Variants in CORO2A observed in about 807,000 individuals in gnomAD.
The protein encoded by CORO2A is coronin 2A.
Under a neutral mutation model 62.4 loss-of-function variants are expected in CORO2A, and 47 were observed. The ratio of observed to expected loss-of-function variants is 0.75; its 90% CI spans 0.60 to 0.96. The LOEUF (loss-of-function observed/expected upper bound fraction) is 0.96. Among genes scored for constraint, CORO2A ranks in the 40% least tolerant of loss-of-function variants. The pLI, the probability that CORO2A is intolerant of heterozygous loss-of-function variation, is 0.00. For synonymous variants in CORO2A, 273 were observed against 268.9 expected (o/e 1.02, Z -0.15); for missense variants, 610 against 684.1 (o/e 0.89, Z 1.21).
At position 98,131,036 on chromosome 9, in the gene CORO2A, C is replaced by T. The variant is rs768281667; in HGVS notation, c.789G>A (p.Met263Ile). ...WDQDNLSVPL[M>I]EEDLDGSSGV... ...CCGAGGAGCCGTCCAGGTCCTCCTC[C>T]ATCAGAGGCACAGAGAGGTTATCCT... Residue 263 changes from methionine (M) to isoleucine (I), a missense_variant, in exon 7 of 12, where the codon ATG becomes ATA. Met to Ile is a conservative substitution (Grantham distance 10, BLOSUM62 1). Transcript: ENST00000375077. 3.7e-6 allele frequency: 6 copies of T among 1,613,236 alleles called. No homozygotes were observed. The East Asian group carries it at 1.1e-4, about 30-fold the overall frequency.
rs1487717965 is a variant in CORO2A, at chr9:98,131,019, C to T, written c.806G>A (p.Gly269Asp). Reference protein sequence around the residue: ...SVPLMEEDLDGSSGVLFPFYD... With the variant: ...SVPLMEEDLDDSSGVLFPFYD... ...GAAGGGAAACAGCACGCCCGAGGAG[C>T]CGTCCAGGTCCTCCTCCATCAGAGG... Residue 269 changes from glycine to aspartate, a missense_variant, in exon 7 of 12, where the codon GGC (glycine) becomes GAC (aspartate). Transcript: ENST00000375077. 2 of 1,613,790 alleles carry T rather than the reference C, an allele frequency of 1.2e-6. No individual in the cohort carries two copies. The highest frequency in any genetic ancestry group is 1.7e-6 in the Non-Finnish European group (2 of 1,179,878).
At chr9:98,136,317 G>A (rs951797226) in intron 3 of CORO2A, among the ~76,000 whole-genome samples, 7 of 152,232 alleles carry the variant, frequency 4.6e-5, no homozygotes, top group Admixed American at 1.3e-4. Context: ...AATCACCTCG[G>A]CAGACACTGT....
intron 1 of CORO2A, among the ~76,000 whole-genome samples, chr9:98,185,883 G>T (rs1828233407): frequency 6.6e-6 from 1 of 152,244 alleles, no homozygotes; most frequent in African/African-American, 2.4e-5. Flanking sequence ...GCAGCCCCAG[G>T]AGTTTGCTGG....
At chr9:98,134,736 A>T (rs1827460235) in intron 4 of CORO2A, 70 bp downstream of exon 4, 1 of 1,479,358 alleles carries the variant, frequency 6.8e-7, no homozygotes, top group East Asian at 2.5e-5. Flanking sequence ...GTGACAGAAT[A>T]CATTTCCATT....
chr9:98,188,643 A>G (rs1828267536), intron 1 of CORO2A, among the ~76,000 whole-genome samples: 1 of 152,144 alleles, frequency 6.6e-6, no homozygotes, highest in Non-Finnish European at 1.5e-5. Context: ...ACGCACCTGT[A>G]ATCCCAGCTA....
intron 3 of CORO2A, 139 bp downstream of exon 3, chr9:98,137,428 CCTTAA>C (rs768714743): frequency 3.1e-5 from 22 of 710,946 alleles, no homozygotes; most frequent in East Asian, 7.5e-5. Context: ...TCCTCCTCTA[CCTTAA>C]CTTAACACCT....
chr9:98,145,245 T>C (rs577654278), intron 2 of CORO2A, among the ~76,000 whole-genome samples: 2 of 152,276 alleles, frequency 1.3e-5, no homozygotes, highest in African/African-American at 4.8e-5. Flanking sequence ...CTTTCAGACC[T>C]TGTGAATTTG....
At chr9:98,169,087 C>A (rs1395684255) in intron 1 of CORO2A, among the ~76,000 whole-genome samples, 1 of 152,192 alleles carries the variant, frequency 6.6e-6, no homozygotes, top group Non-Finnish European at 1.5e-5. Context: ...CAGAGCGCAG[C>A]CATCCAGGGA....
At chr9:98,161,253 G>C (rs1339436283) in intron 1 of CORO2A, among the ~76,000 whole-genome samples, 1 of 152,068 alleles carries the variant, frequency 6.6e-6, no homozygotes, top group Non-Finnish European at 1.5e-5. Flanking sequence ...AGCTACTGGA[G>C]AAATTAAAGG....
intron 2 of CORO2A, among the ~76,000 whole-genome samples, chr9:98,146,944 C>A (rs1827650744): frequency 6.6e-6 from 1 of 152,136 alleles, no homozygotes; most frequent in African/African-American, 2.4e-5. Flanking sequence ...ATGGTGCCTG[C>A]ACAGTAGTAA....
intron 2 of CORO2A, among the ~76,000 whole-genome samples, chr9:98,140,821 G>C (rs1158906701): frequency 2.0e-5 from 3 of 152,122 alleles, no homozygotes; most frequent in African/African-American, 7.2e-5. Flanking sequence ...GGCTAATCCA[G>C]GTCTCTCCCC....
At chr9:98,153,692 A>G (rs961602055) in intron 2 of CORO2A, among the ~76,000 whole-genome samples, 1 of 145,058 alleles carries the variant, frequency 6.9e-6, no homozygotes, top group East Asian at 2.0e-4. Context: ...ACACACACAC[A>G]CTCACACACA....
chr9:98,190,565 C>T (rs1588019183), intron 1 of CORO2A, among the ~76,000 whole-genome samples: 1 of 152,122 alleles, frequency 6.6e-6, no homozygotes, highest in East Asian at 1.9e-4. Context: ...ACAGGGGATG[C>T]CTATCTGTAA....
At chr9:98,188,367 TC>T (rs1828263631) in intron 1 of CORO2A, among the ~76,000 whole-genome samples, 1 of 152,238 alleles carries the variant, frequency 6.6e-6, no homozygotes, top group Non-Finnish European at 1.5e-5. Context: ...TTATTGTTTT[TC>T]ATCTGTCTTC....
intron 2 of CORO2A, among the ~76,000 whole-genome samples, chr9:98,149,536 C>G (rs1032638629): frequency 2.0e-5 from 3 of 152,260 alleles, no homozygotes; most frequent in African/African-American, 7.2e-5. Context: ...CTGGTAAGGA[C>G]TGCAGGGGAG....
chr9:98,175,866 G>A (rs1828103534), intron 1 of CORO2A, among the ~76,000 whole-genome samples: 2 of 152,178 alleles, frequency 1.3e-5, no homozygotes, highest in South Asian at 4.1e-4. Flanking sequence ...TTAGAACCCA[G>A]CCTGGCACAT....
rs924253940 is a variant in CORO2A, at chr9:98,121,072, T to C, written c.*3702A>G. 1.3e-5 allele frequency: 2 copies of C among 152,252 alleles called. No homozygotes were observed. Among genetic ancestry groups the C allele is most frequent in the African/African-American group, 4.8e-5 (2 of 41,466 alleles). 9.4% of individuals were successfully genotyped at this position (152,252 alleles called of 1,614,324 possible). On this transcript the variant is annotated 3_prime_UTR_variant, in exon 12 of 12. Transcript: ENST00000375077. ...TCACTTTTATTTATTATCATTATTTTTCACAAAGGTACAAGGAATTTCAGA... is the reference window on the plus strand; with the variant it reads ...TCACTTTTATTTATTATCATTATTTCTCACAAAGGTACAAGGAATTTCAGA...
At chr9:98,192,229 C>T (rs2118953918) in intron 1 of CORO2A, among the ~76,000 whole-genome samples, 1 of 152,318 alleles carries the variant, frequency 6.6e-6, no homozygotes, top group East Asian at 1.9e-4. Flanking sequence ...GAGTGAGCTT[C>T]CCTCACCGCG....
rs374417724 is a variant in CORO2A at position 98,157,628 on chromosome 9, C to T, written c.33G>A (p.Lys11=). ...CTGGTTTGCCAAAGACATGACGGAA[C>T]TTGGAGCTCCGGTACTGGGGGTGCC... MSWHPQYRSS[K]FRHVFGKPAS... Residue 11 remains lysine, a synonymous_variant, in exon 2 of 12, where the codon AAG becomes AAA. Coordinates refer to ENST00000375077, the MANE Select transcript of CORO2A (RefSeq NM_052820.4). 16 of 1,613,734 alleles carry T rather than the reference C, an allele frequency of 9.9e-6. No individual in the cohort carries two copies. Among genetic ancestry groups the T allele is most frequent in the African/African-American group, 2.7e-5 (2 of 74,906 alleles).
Sources: gnomAD v4.1 joint callset for allele counts (sites outside exome capture counted in the v4.1 genomes callset) on GRCh38, gnomAD v4.1.1 for gene constraint, MANE v1.5 for transcripts, NCBI Gene and HGNC (gene_info 2026-07-23, HGNC 2026-07-21) for gene names.